Variants in CACNA2D3 observed in about 807,000 individuals in gnomAD.
CACNA2D3 encodes voltage-dependent calcium channel subunit alpha-2/delta-3.
In CACNA2D3, 60 loss-of-function variants were observed where a neutral mutation model predicts 160.6. That is an observed-to-expected ratio of 0.37 (90% CI 0.30 to 0.46). The LOEUF is 0.46. Ranked by LOEUF, CACNA2D3 falls within the 20% of genes least tolerant of loss-of-function variation. The pLI, the probability that CACNA2D3 is intolerant of heterozygous loss-of-function variation, is 1.00. For synonymous variants in CACNA2D3, 558 were observed against 492.9 expected, an observed-to-expected ratio of 1.13 and a Z score of -1.75; for missense variants, 1,205 against 1,365.0, an observed-to-expected ratio of 0.88 and a Z score of 1.85.
intron 2 of CACNA2D3, among the ~76,000 whole-genome samples, chr3:54,298,323 T>C (rs999150783): frequency 6.6e-6 from 1 of 152,224 alleles, no homozygotes; most frequent in Non-Finnish European, 1.5e-5. Flanking sequence ...GCTTCCAGGA[T>C]CCTTTCTAGC....
At chr3:54,187,479 G>A (rs1430251204) in intron 2 of CACNA2D3, among the ~76,000 whole-genome samples, 1 of 152,112 alleles carries the variant, frequency 6.6e-6, no homozygotes, top group East Asian at 1.9e-4. Context: ...CACAAACCCA[G>A]AACTGCAGGG....
chr3:54,442,610 C>T (rs867995779), intron 4 of CACNA2D3, among the ~76,000 whole-genome samples: 1 of 152,146 alleles, frequency 6.6e-6, no homozygotes, highest in African/African-American at 2.4e-5. Context: ...CAGCTGAACG[C>T]GCCGTCAATG....
intron 3 of CACNA2D3, among the ~76,000 whole-genome samples, chr3:54,329,885 C>G (rs1391064988): frequency 6.6e-6 from 1 of 152,078 alleles, no homozygotes; most frequent in African/African-American, 2.4e-5. Flanking sequence ...ATTGGTTGTA[C>G]TTTTTTGGTC....
At chr3:54,912,994 G>A (rs1161889279) in intron 27 of CACNA2D3, among the ~76,000 whole-genome samples, 1 of 152,076 alleles carries the variant, frequency 6.6e-6, no homozygotes, top group African/African-American at 2.4e-5. Context: ...TCAGTGGAAG[G>A]CATATCAGCA....
At chr3:54,734,119 C>T (rs1701448578) in intron 11 of CACNA2D3, among the ~76,000 whole-genome samples, 1 of 151,942 alleles carries the variant, frequency 6.6e-6, no homozygotes, top group Non-Finnish European at 1.5e-5. Context: ...GGCGAAACTG[C>T]TCCCTGGAAG....
At chr3:55,028,823 G>T (rs1489349452) in intron 35 of CACNA2D3, among the ~76,000 whole-genome samples, 1 of 152,006 alleles carries the variant, frequency 6.6e-6, no homozygotes, top group Non-Finnish European at 1.5e-5. Context: ...TTATATTGCC[G>T]TCGGTTTCAC....
rs549996941 is a variant in CACNA2D3 at position 54,789,745 on chromosome 3, C to T, written c.1380+25394C>T. ...TGAGTTGTCAGAGCTTTCTCTAAAGCTCCTCTAAACCAAAATTTAGATTTT... is the reference window on the plus strand; with the variant it reads ...TGAGTTGTCAGAGCTTTCTCTAAAGTTCCTCTAAACCAAAATTTAGATTTT... On this transcript the variant is annotated intron_variant, in intron 13 of 37. Transcript: ENST00000474759. 1.1e-5 allele frequency: 5 copies of T among 457,902 alleles called. No homozygotes were observed. In the East Asian group the frequency reaches 3.4e-4, roughly 31 times the overall value. The allele number at this position is 457,902 out of a possible 1,614,324, so 28.4% of individuals were successfully genotyped here. A position where few individuals can be genotyped will look rare whatever the true frequency, so the allele number is the denominator to read the frequency against.
intron 4 of CACNA2D3, among the ~76,000 whole-genome samples, chr3:54,499,802 G>C (rs535970712): frequency 1.3e-5 from 2 of 152,168 alleles, no homozygotes; most frequent in Middle Eastern, 6.8e-3. Flanking sequence ...TAGGGCCCCT[G>C]ATGTGGTCTA....
At chr3:54,856,771 T>G (rs558260414) in intron 17 of CACNA2D3, among the ~76,000 whole-genome samples, 1 of 152,172 alleles carries the variant, frequency 6.6e-6, no homozygotes, top group South Asian at 2.1e-4. Context: ...AGGATGATGG[T>G]TTTTTCGTTT....
In CACNA2D3 at chr3:55,004,836, G is replaced by C; in HGVS notation, c.2764G>C (p.Asp922His). 6.2e-7 allele frequency: 1 copy of C among 1,610,538 alleles called. No individual in the cohort carries two copies. The highest frequency in any genetic ancestry group is 8.5e-7 in the Non-Finnish European group (1 of 1,176,820). Residue 922 changes from aspartate to histidine, a missense_variant and splice_region_variant, in exon 32 of 38, where the codon GAT becomes CAT. Transcript: ENST00000474759. ...CAGCGATGGCGCCCATGGCCTCCTG[G>C]ATGTAAGTACTATGCTGTCACTCAG... ...ESSDGAHGLL[D>H]PYNAFLSAVK...
At chr3:54,565,027 T>G (rs2106710995) in intron 6 of CACNA2D3, among the ~76,000 whole-genome samples, 1 of 152,258 alleles carries the variant, frequency 6.6e-6, no homozygotes, top group South Asian at 2.1e-4. Flanking sequence ...GGAACAGGCC[T>G]GGCAGGATTT....
intron 18 of CACNA2D3, among the ~76,000 whole-genome samples, chr3:54,873,281 G>T (rs1429073067): frequency 2.0e-5 from 3 of 152,090 alleles, no homozygotes; most frequent in Non-Finnish European, 4.4e-5. Flanking sequence ...GTCCTCAGGG[G>T]ACCCTGTCAT....
chr3:54,259,101 G>C (rs1702356176), intron 2 of CACNA2D3, among the ~76,000 whole-genome samples: 1 of 152,200 alleles, frequency 6.6e-6, no homozygotes, highest in Admixed American at 6.5e-5. Context: ...GCCCAGGCTT[G>C]GCCCACCAAT....
chr3:54,390,779 G>T (rs1373426616), intron 4 of CACNA2D3, among the ~76,000 whole-genome samples: 1 of 152,166 alleles, frequency 6.6e-6, no homozygotes, highest in East Asian at 1.9e-4. Context: ...TATTACTGAG[G>T]TGGCAGGTCT....
intron 11 of CACNA2D3, among the ~76,000 whole-genome samples, chr3:54,675,370 A>G (rs1452708077): frequency 6.6e-6 from 1 of 152,200 alleles, no homozygotes; most frequent in South Asian, 2.1e-4. Flanking sequence ...AGTTTGGGAC[A>G]ACAAAGGAAC....
intron 4 of CACNA2D3, among the ~76,000 whole-genome samples, chr3:54,445,951 C>T (rs1430874873): frequency 6.6e-6 from 1 of 152,080 alleles, no homozygotes; most frequent in Non-Finnish European, 1.5e-5. Context: ...CTAAAAGATG[C>T]CCTAGCATAT....
intron 3 of CACNA2D3, among the ~76,000 whole-genome samples, chr3:54,352,137 A>G (rs918906015): frequency 6.6e-6 from 1 of 152,196 alleles, no homozygotes; most frequent in Non-Finnish European, 1.5e-5. Flanking sequence ...GCACAATGGA[A>G]AGTCAGACAG....
intron 11 of CACNA2D3, among the ~76,000 whole-genome samples, chr3:54,687,122 T>TTTTTCTTTTTCTTTTTC (rs1559549364): frequency 4.9e-4 from 11 of 22,366 alleles, no homozygotes; most frequent in African/African-American, 6.9e-4. Flanking sequence ...TTTCTTTTTC[T>TTTTTCTTTTTCTTTTTC]TTTTTTTTTT....
At chr3:54,587,535 G>A (rs9311537) in intron 9 of CACNA2D3, among the ~76,000 whole-genome samples, 2,140 of 151,828 alleles carry the variant, frequency 0.014, 41 homozygotes, top group African/African-American at 0.049. Context: ...CCAGCCTGGC[G>A]ACAGAGCAAG....
Sources: gnomAD v4.1 joint callset for allele counts (sites outside exome capture counted in the v4.1 genomes callset) on GRCh38, gnomAD v4.1.1 for gene constraint, MANE v1.5 for transcripts, NCBI Gene and HGNC (gene_info 2026-07-23, HGNC 2026-07-21) for gene names.